SEMA3D: variants seen among roughly 807,000 people sequenced by gnomAD.
The protein encoded by SEMA3D is semaphorin 3D, also known as semaphorin-3D.
In SEMA3D, 84 loss-of-function variants were observed where a neutral mutation model predicts 100.1. That is an observed-to-expected ratio of 0.84 (90% CI 0.70 to 1.01). SEMA3D has a LOEUF of 1.01. SEMA3D is among the 50% of genes least tolerant of loss of function. SEMA3D has a pLI of 0.00. For missense variants in SEMA3D, 875 were observed against 934.1 expected (o/e 0.94, Z 0.82); for synonymous variants, 312 against 320.7 (o/e 0.97, Z 0.29).
At chr7:85,070,369 C>T (rs1791737136) in intron 6 of SEMA3D, among the ~76,000 whole-genome samples, 1 of 152,220 alleles carries the variant, frequency 6.6e-6, no homozygotes, top group Non-Finnish European at 1.5e-5. Flanking sequence ...AGTCAGGAAT[C>T]TGGGATTCAT....
At chr7:85,217,524 G>A in the SEMA3D span, among the ~76,000 whole-genome samples, 2 of 152,048 alleles carry the variant, frequency 1.3e-5, no homozygotes, top group Non-Finnish European at 2.9e-5. Flanking sequence ...AGAAGGATAA[G>A]TGAAGAAAAG....
chr7:85,231,742 G>A, the SEMA3D span, among the ~76,000 whole-genome samples: 7 of 152,054 alleles, frequency 4.6e-5, no homozygotes, highest in Admixed American at 2.6e-4. Flanking sequence ...GAGCCACTGC[G>A]CCAGGCCTGG....
At chr7:85,015,288 T>C in intron 15 of SEMA3D, 72 bp from the exon 16 acceptor site, 1 of 1,389,762 alleles carries the variant, frequency 7.2e-7, no homozygotes. Context: ...TTTTCTTGAA[T>C]ATCACATAAT....
the SEMA3D span, among the ~76,000 whole-genome samples, chr7:85,208,032 C>G: frequency 6.6e-6 from 1 of 151,860 alleles, no homozygotes; most frequent in Non-Finnish European, 1.5e-5. Context: ...AAATAATATG[C>G]TAAATCACTC....
chr7:85,234,316 C>A, the SEMA3D span, among the ~76,000 whole-genome samples: 1 of 152,166 alleles, frequency 6.6e-6, no homozygotes, highest in African/African-American at 2.4e-5. Flanking sequence ...CTGGATGCAC[C>A]TTCAGTAAAG....
chr7:85,136,102 A>G (rs1789860140), intron 2 of SEMA3D, among the ~76,000 whole-genome samples: 4 of 152,258 alleles, frequency 2.6e-5, no homozygotes, highest in Non-Finnish European at 4.4e-5. Context: ...GTAGAGATGT[A>G]GAGATTATTG....
At chr7:85,067,229 C>T (rs540606907) in intron 7 of SEMA3D, among the ~76,000 whole-genome samples, 2 of 152,112 alleles carry the variant, frequency 1.3e-5, no homozygotes, top group Non-Finnish European at 1.5e-5. Flanking sequence ...TCTTCCTTGT[C>T]CCTAAAATTA....
intron 4 of SEMA3D, among the ~76,000 whole-genome samples, chr7:85,085,635 C>A (rs2116255448): frequency 1.3e-5 from 2 of 152,280 alleles, no homozygotes; most frequent in South Asian, 4.1e-4. Flanking sequence ...TACAGAGTGA[C>A]AAGAGAGTAC....
At chr7:85,083,076 A>C (rs1041742775) in intron 4 of SEMA3D, among the ~76,000 whole-genome samples, 1 of 152,240 alleles carries the variant, frequency 6.6e-6, no homozygotes, top group Non-Finnish European at 1.5e-5. Context: ...TATTAGGTCT[A>C]AAAAGAATAT....
At position 85,065,370 on chromosome 7, in the gene SEMA3D, T is replaced by A. The variant is rs929765155; in HGVS notation, c.718+54A>T. 6 of 1,518,520 alleles carry A rather than the reference T, an allele frequency of 4.0e-6. No individual in the cohort carries two copies. In the African/African-American group the frequency reaches 4.1e-5, roughly 10 times the overall value. 94.1% of individuals were successfully genotyped at this position (1,518,520 alleles called of 1,614,324 possible). On this transcript the variant is annotated intron_variant, in intron 8 of 18. Transcript: ENST00000284136. ...TGAATGAATAATAATACACTTCTTATCTATCTTAAACCAAAGCAAGACAAT... is the reference window on the plus strand; with the variant it reads ...TGAATGAATAATAATACACTTCTTAACTATCTTAAACCAAAGCAAGACAAT...
intron 3 of SEMA3D, among the ~76,000 whole-genome samples, chr7:85,112,986 T>C (rs1789133146): frequency 6.6e-6 from 1 of 152,202 alleles, no homozygotes; most frequent in Non-Finnish European, 1.5e-5. Flanking sequence ...TGATGACTTA[T>C]ACCTATCTCA....
chr7:85,051,614 G>A (rs1791167669), intron 9 of SEMA3D, among the ~76,000 whole-genome samples: 1 of 151,904 alleles, frequency 6.6e-6, no homozygotes, highest in Non-Finnish European at 1.5e-5. Context: ...AGATCTGCCA[G>A]TGTACTGCTG....
the SEMA3D span, among the ~76,000 whole-genome samples, chr7:85,203,533 A>G: frequency 6.6e-6 from 1 of 152,158 alleles, no homozygotes; most frequent in African/African-American, 2.4e-5. Context: ...TGCAGGATGA[A>G]CAAAATATAA....
At chr7:85,174,148 T>G (rs1315194760) in intron 1 of SEMA3D, among the ~76,000 whole-genome samples, 1 of 152,130 alleles carries the variant, frequency 6.6e-6, no homozygotes, top group African/African-American at 2.4e-5. Flanking sequence ...GCATAGGCTG[T>G]GAGAAAAAAG....
In SEMA3D at chr7:85,029,047, G is replaced by A. The variant is rs572504012; in HGVS notation, c.1192-6434C>T. ...TTCCCTTGATATTAAAACTGCTGAT[G>A]GAGTCATGGCTGTCCTCATCAAGTG... On this transcript the variant is annotated intron_variant, in intron 12 of 18. Transcript: ENST00000284136. 8.7e-4 allele frequency: 414 copies of A among 478,480 alleles called. 5 individuals carry two copies. The highest frequency in any genetic ancestry group is 8.5e-3 in the South Asian group (410 of 48,414). The allele number at this position is 478,480 out of a possible 1,614,324, so 29.6% of individuals were successfully genotyped here.
intron 2 of SEMA3D, chr7:85,142,536 T>C: frequency 1.0e-6 from 1 of 984,190 alleles, no homozygotes; most frequent in African/African-American, 1.7e-5. Flanking sequence ...TATGGTATTT[T>C]CCCCAATTTG....
chr7:85,085,264 C>G (rs776946153), intron 4 of SEMA3D, among the ~76,000 whole-genome samples: 1 of 151,996 alleles, frequency 6.6e-6, no homozygotes, highest in Non-Finnish European at 1.5e-5. Flanking sequence ...ATATATAACT[C>G]TTTCATATTA....
the SEMA3D span, among the ~76,000 whole-genome samples, chr7:85,219,472 A>G: frequency 5.3e-5 from 8 of 152,026 alleles, no homozygotes; most frequent in Non-Finnish European, 1.2e-4. Flanking sequence ...TTAGCAATAC[A>G]TTACCAATTC....
At chr7:85,001,164 C>T (rs1314741449) in intron 18 of SEMA3D, among the ~76,000 whole-genome samples, 1 of 152,160 alleles carries the variant, frequency 6.6e-6, no homozygotes, top group Non-Finnish European at 1.5e-5. Flanking sequence ...CAGAGAAGTG[C>T]AGCTGGCGGG....
Sources: allele counts gnomAD v4.1 joint callset (sites outside exome capture counted in the v4.1 genomes callset), GRCh38; gene constraint gnomAD v4.1.1; transcripts MANE v1.5; gene names NCBI Gene and HGNC (gene_info 2026-07-23, HGNC 2026-07-21).